The following PUM3 variants were observed in gnomAD, a reference collection of about 807,000 sequenced individuals.
The protein encoded by PUM3 is pumilio homolog 3.
In PUM3, 91 loss-of-function variants were observed where a neutral mutation model predicts 84.0. That is an observed-to-expected ratio of 1.08 (90% confidence interval 0.91 to 1.29). The LOEUF (loss-of-function observed/expected upper bound fraction) is 1.29. PUM3 is among the 50% of genes most tolerant of loss of function. PUM3 has a pLI of 0.00. For missense variants in PUM3, 1,067 were observed against 767.5 expected (o/e 1.39, Z -4.61); for synonymous variants, 321 against 266.7 (o/e 1.20, Z -1.98).
chr9:2,820,871 G>C (rs1227083683), intron 12 of PUM3, among the ~76,000 whole-genome samples: 2 of 151,978 alleles, frequency 1.3e-5, no homozygotes, highest in African/African-American at 4.8e-5. Flanking sequence ...AACATTTAAA[G>C]AACACCTACT....
chr9:2,812,139 G>A lies in PUM3; in HGVS notation c.1412+81C>T, dbSNP rs568977049. On this transcript the variant is annotated intron_variant, in intron 14 of 17. Transcript: ENST00000397885. ...CAGCAGTTTTAGAGAGGGTATGGATGGGTAAGTGGACTTCTGGAAGAATGC... is the reference window on the plus strand; with the variant it reads ...CAGCAGTTTTAGAGAGGGTATGGATAGGTAAGTGGACTTCTGGAAGAATGC... 1.5e-4 allele frequency: 179 copies of A among 1,182,812 alleles called. 3 individuals carry two copies. The South Asian group carries it at 2.1e-3, about 14-fold the overall frequency. 73.3% of individuals were successfully genotyped at this position (1,182,812 alleles called of 1,614,324 possible).
intron 9 of PUM3, 178 bp downstream of exon 9, chr9:2,828,497 G>C: frequency 1.8e-6 from 1 of 554,404 alleles, no homozygotes; most frequent in Non-Finnish European, 3.2e-6. Context: ...TACAATATCA[G>C]AAAAAGAAAT....
rs777778720 is a variant in PUM3, at chr9:2,828,718, T to G, written c.913A>C (p.Ile305Leu). ...AGAATCTGTTTCATTTCATCCATAA[T>G]AAGTTCTAATTTTTCTGGCTGTACC... ...LEVQPEKLEL[I>L]MDEMKQILTP... Residue 305 changes from isoleucine to leucine, a missense_variant, in exon 9 of 18, where the codon ATT becomes CTT. By Grantham distance (5) the Ile-to-Leu change is conservative (BLOSUM62 2). Transcript: ENST00000397885. The G allele has an allele frequency of 1.2e-6, 2 of 1,609,144 alleles. No homozygotes were observed. Among genetic ancestry groups the G allele is most frequent in the Non-Finnish European group, 1.7e-6 (2 of 1,175,584 alleles).
At chr9:2,841,688 T>C (rs1816270890) in intron 1 of PUM3, among the ~76,000 whole-genome samples, 1 of 150,784 alleles carries the variant, frequency 6.6e-6, no homozygotes. Flanking sequence ...CAGTGTATTC[T>C]GCCTGCAGCA....
chr9:2,822,805 T>C (rs968269019), intron 12 of PUM3, among the ~76,000 whole-genome samples: 2 of 149,792 alleles, frequency 1.3e-5, no homozygotes, highest in Admixed American at 6.7e-5. Context: ...TATATGAATA[T>C]TGAATTATGA....
At chr9:2,825,875 G>T (rs772715566) in intron 10 of PUM3, among the ~76,000 whole-genome samples, 19 of 152,270 alleles carry the variant, frequency 1.2e-4, no homozygotes, top group Non-Finnish European at 2.1e-4. Context: ...ATTTAAAAAT[G>T]TACATTAAAT....
chr9:2,827,642 A>G (rs1815859703), intron 9 of PUM3, among the ~76,000 whole-genome samples: 1 of 152,208 alleles, frequency 6.6e-6, no homozygotes, highest in African/African-American at 2.4e-5. Context: ...CAAACCCCCT[A>G]GTGTGACACT....
chr9:2,835,549 T>C (rs1351492456), intron 3 of PUM3, among the ~76,000 whole-genome samples: 1 of 103,908 alleles, frequency 9.6e-6, no homozygotes, highest in Admixed American at 8.7e-5. Flanking sequence ...TATTCCTTTA[T>C]TGTTTACTTA....
At chr9:2,808,683 T>A (rs1319990897) in intron 16 of PUM3, among the ~76,000 whole-genome samples, 1 of 152,198 alleles carries the variant, frequency 6.6e-6, no homozygotes, top group African/African-American at 2.4e-5. Flanking sequence ...CCTTTCATGG[T>A]ACCTGCTAAA....
rs372050840 is a variant in PUM3 at position 2,837,300 on chromosome 9, T to C, written c.184A>G (p.Lys62Glu). ...NFEKSITKLGKKGVKQFKNKQ... is the reference protein window; with the variant it reads ...NFEKSITKLGEKGVKQFKNKQ... Reference sequence around the variant, plus strand: ...TTCTTGAACTGCTTTACACCCTTTTTCCCAAGTTTTGTGATACTTTTCTCA... The same window carrying C: ...TTCTTGAACTGCTTTACACCCTTTTCCCCAAGTTTTGTGATACTTTTCTCA... Residue 62 changes from lysine (K) to glutamate (E), a missense_variant, in exon 3 of 18, where the codon AAA becomes GAA. Transcript: ENST00000397885. 96 of 1,614,018 alleles carry C rather than the reference T, an allele frequency of 5.9e-5. No homozygotes were observed. Among genetic ancestry groups the C allele is most frequent in the Middle Eastern group, 3.3e-4 (2 of 6,084 alleles).
At chr9:2,818,995 A>G (rs1358964833) in intron 13 of PUM3, among the ~76,000 whole-genome samples, 1 of 152,222 alleles carries the variant, frequency 6.6e-6, no homozygotes, top group Non-Finnish European at 1.5e-5. Flanking sequence ...TGCAGATGTG[A>G]AAGTACCACA....
Position 2,829,761 on chromosome 9 carries a change from C to T in PUM3, c.852+13G>A, listed in dbSNP as rs369582422. ...AAGTAAAAATACTAGAAAAAGACTT[C>T]TGGAGATGTCACCTTGTAAAGCTGA... is the stretch of plus-strand genomic sequence containing the variant. On this transcript the variant is annotated intron_variant, in intron 8 of 17. Transcript: ENST00000397885. 6.2e-7 allele frequency: 1 copy of T among 1,601,236 alleles called. No homozygotes were observed. Among genetic ancestry groups the T allele is most frequent in the Non-Finnish European group, 8.5e-7 (1 of 1,171,246 alleles).
At chr9:2,829,665 A>G in intron 8 of PUM3, 109 bp downstream of exon 8, 2 of 938,914 alleles carry the variant, frequency 2.1e-6, no homozygotes, top group Non-Finnish European at 3.2e-6. Flanking sequence ...GGTCTCTTAA[A>G]GAACCAGCCA....
Position 2,838,489 on chromosome 9 carries a change from T to C in PUM3, c.19A>G (p.Lys7Glu). The change falls in exon 2 of 18, where the codon AAG (lysine) becomes GAG (glutamate). Residue 7 changes from lysine to glutamate, a missense_variant. Coordinates refer to ENST00000397885, the MANE Select transcript of PUM3 (RefSeq NM_014878.5). MEVKGK[K>E]QFTGKSTKTA... ...TTTGTACTCTTTCCTGTGAATTGCT[T>C]TTTCCCTTTAACTTCCATCGTAGCA... 1 of 1,613,496 alleles carries C rather than the reference T, an allele frequency of 6.2e-7. No homozygotes were observed. Among genetic ancestry groups the C allele is most frequent in the African/African-American group, 1.3e-5 (1 of 75,014 alleles).
rs752848876 is a variant in PUM3, at chr9:2,824,719, T to C, written c.1132A>G (p.Lys378Glu). ...AMHCLWHGTP[K>E]DRKVIVKTMK... ...TGCCCAAGTGCTGTCACACTTACCT[T>C]GGGCGTGCCATGCCACAGGCAGTGC... is the stretch of plus-strand genomic sequence containing the variant. The change falls in exon 11 of 18, where the codon AAG becomes GAG. Residue 378 changes from lysine to glutamate, a missense_variant and splice_region_variant. Transcript: ENST00000397885. The C allele has an allele frequency of 7.1e-6, 11 of 1,540,358 alleles. No individual in the cohort carries two copies. The highest frequency in any genetic ancestry group is 9.7e-6 in the Non-Finnish European group (11 of 1,132,786).
At chr9:2,837,706 T>C (rs989330630) in intron 2 of PUM3, among the ~76,000 whole-genome samples, 9 of 152,198 alleles carry the variant, frequency 5.9e-5, no homozygotes, top group Non-Finnish European at 1.2e-4. Context: ...TTTAAGCATA[T>C]AGCAGAGCTA....
intron 4 of PUM3, 76 bp downstream of exon 4, chr9:2,833,955 T>C (rs1816052283): frequency 2.8e-6 from 4 of 1,453,242 alleles, no homozygotes; most frequent in Non-Finnish European, 2.8e-6. Flanking sequence ...TTTTAGGACA[T>C]CTCACTATTT....
At chr9:2,809,654 GA>G (rs1397198353) in intron 16 of PUM3, among the ~76,000 whole-genome samples, 31 of 152,180 alleles carry the variant, frequency 2.0e-4, no homozygotes, top group Non-Finnish European at 4.3e-4. Flanking sequence ...CTCAGTAGGG[GA>G]AAAAAATCTC....
At chr9:2,805,532 C>A (rs1320824073) in intron 17 of PUM3, among the ~76,000 whole-genome samples, 1 of 152,148 alleles carries the variant, frequency 6.6e-6, no homozygotes, top group Admixed American at 6.5e-5. Flanking sequence ...CAGCACCAAG[C>A]AATATTCTAC....
Sources: gnomAD v4.1 joint callset for allele counts (sites outside exome capture counted in the v4.1 genomes callset) on GRCh38, gnomAD v4.1.1 for gene constraint, MANE v1.5 for transcripts, NCBI Gene and HGNC (gene_info 2026-07-23, HGNC 2026-07-21) for gene names.